Variants in IQSEC1 observed in about 807,000 individuals in gnomAD.
IQSEC1 encodes IQ motif and SEC7 domain-containing protein 1.
A neutral mutation model predicts 91.0 loss-of-function variants in IQSEC1; 31 were observed. That is an observed-to-expected ratio of 0.34 (90% CI 0.26 to 0.46). IQSEC1 has a LOEUF of 0.46. IQSEC1 is among the 20% of genes least tolerant of loss of function. The probability of loss-of-function intolerance (pLI) is 1.00; values close to 1 mark genes in which losing one functional copy is unlikely to be tolerated. For missense variants in IQSEC1, 1,388 were observed against 1,575.6 expected (o/e 0.88, Z 2.02); for synonymous variants, 699 against 662.6 (o/e 1.05, Z -0.84).
Position 13,050,538 on chromosome 3 carries a change from T to C in IQSEC1, c.23+22454A>G, listed in dbSNP as rs73016591. ...GAGATACATCATTATTATCATTACATAGACTAGTGTATGTTGAGACGTAAG... is the reference window on the plus strand; with the variant it reads ...GAGATACATCATTATTATCATTACACAGACTAGTGTATGTTGAGACGTAAG... On this transcript the variant is annotated intron_variant, in intron 1 of 13. Transcript: ENST00000613206. Among the ~76,000 whole-genome samples the C allele has an allele frequency of 1.0e-2, 1,522 of 152,346 alleles. 10 individuals are homozygous for C. The highest frequency in any genetic ancestry group is 0.016 in the Non-Finnish European group (1,108 of 68,036).
intron 1 of IQSEC1, among the ~76,000 whole-genome samples, chr3:13,167,808 T>G (rs773880072): frequency 5.3e-5 from 8 of 152,246 alleles, no homozygotes; most frequent in Non-Finnish European, 1.0e-4. Flanking sequence ...CCTCCTTCCA[T>G]GCTCACTGGA....
At chr3:13,182,679 T>A (rs1445852150) in intron 1 of IQSEC1, among the ~76,000 whole-genome samples, 1 of 152,156 alleles carries the variant, frequency 6.6e-6, no homozygotes, top group Non-Finnish European at 1.5e-5. Context: ...AGAAATTAGA[T>A]AATCACTTCT....
chr3:13,121,496 G>A (rs1271308663), intron 2 of IQSEC1, among the ~76,000 whole-genome samples: 1 of 152,176 alleles, frequency 6.6e-6, no homozygotes, highest in African/African-American at 2.4e-5. Flanking sequence ...ATGCCCCTGT[G>A]CTCGGCATGG....
rs936191712 is a variant in IQSEC1, at chr3:13,214,697, G to A, written c.273-50564C>T. On this transcript the variant is annotated intron_variant, in intron 1 of 15. Coordinates refer to the IQSEC1 transcript ENST00000648114. The surrounding 1 kb of genome is among the most constrained non-coding windows in gnomAD (Gnocchi z 4.5). ...CACTGTGGCACACGAGCTGGTGTCC[G>A]GTGGAGCACGGTCTCCAGGGAGCGG... Among the ~76,000 whole-genome samples the A allele has an allele frequency of 2.6e-5, 4 of 152,226 alleles. No individual in the cohort carries two copies. The highest frequency in any genetic ancestry group is 6.5e-5 in the Admixed American group (1 of 15,292).
At chr3:13,221,745 C>T (rs1201932024) in intron 1 of IQSEC1, among the ~76,000 whole-genome samples, 1 of 152,256 alleles carries the variant, frequency 6.6e-6, no homozygotes, top group Non-Finnish European at 1.5e-5. Context: ...CGGGCCTCCT[C>T]GGCAGGGAGC....
In IQSEC1 at chr3:12,913,359, CA is replaced by C. The variant is rs557681720; in HGVS notation, c.2316+68del. Reference sequence around the variant, plus strand: ...TGCATGCACATCTTCCCCACGCAGACAGCCAGACATGGACCCTGGGCTCAGG... The same window carrying C: ...TGCATGCACATCTTCCCCACGCAGACGCCAGACATGGACCCTGGGCTCAGG... On this transcript the variant is annotated intron_variant, in intron 9 of 13. Coordinates refer to ENST00000613206, the MANE Select transcript of IQSEC1 (RefSeq NM_001134382.3). 7.4e-3 allele frequency: 11,030 copies of C among 1,489,432 alleles called. 65 individuals carry two copies. The highest frequency in any genetic ancestry group is 9.2e-3 in the Non-Finnish European group (10,167 of 1,101,922). The allele number at this position is 1,489,432 out of a possible 1,614,324, so 92.3% of individuals were successfully genotyped here.
intron 1 of IQSEC1, among the ~76,000 whole-genome samples, chr3:13,250,354 G>A (rs913537060): frequency 5.3e-5 from 8 of 152,138 alleles, no homozygotes; most frequent in South Asian, 2.1e-4. Context: ...CAATAGCCGC[G>A]GGACCAGCAG....
chr3:12,915,847 A>C, intron 6 of IQSEC1, 114 bp from the exon 7 acceptor site: 2 of 1,218,236 alleles, frequency 1.6e-6, no homozygotes, highest in Non-Finnish European at 2.3e-6. Context: ...GAACCAAAGA[A>C]CTCCCAGGCA....
At chr3:13,012,150 C>T (rs1011780776) in intron 1 of IQSEC1, among the ~76,000 whole-genome samples, 9 of 152,194 alleles carry the variant, frequency 5.9e-5, no homozygotes, top group Non-Finnish European at 8.8e-5. Context: ...ACCTTTCACC[C>T]ACATGCAGGC....
rs1322671548 is a variant in IQSEC1 at position 13,207,370 on chromosome 3, C to T, written c.273-43237G>A. On this transcript the variant is annotated intron_variant, in intron 1 of 15. Coordinates refer to the IQSEC1 transcript ENST00000648114. The surrounding 1 kb of genome is among the most constrained non-coding windows in gnomAD (Gnocchi z 4.8). ...TCTGCCTACTTCTCCCCCTCCACGG[C>T]CACCTCCCTGACCCAAGCCCCGTCT... Among the ~76,000 whole-genome samples the T allele has an allele frequency of 6.6e-6, 1 of 152,152 alleles. No homozygotes were observed. Among genetic ancestry groups the T allele is most frequent in the African/African-American group, 2.4e-5 (1 of 41,418 alleles).
At position 13,153,042 on chromosome 3, in the gene IQSEC1, G is replaced by A. The variant is rs554805235; in HGVS notation, c.302+11062C>T. Among the ~76,000 whole-genome samples the A allele has an allele frequency of 5.0e-4, 40 of 80,040 alleles. No individual in the cohort carries two copies. The South Asian group carries it at 0.013, about 25-fold the overall frequency. The allele number at this position is 80,040 out of a possible 152,430, so 52.5% of individuals were successfully genotyped here. A position where few individuals can be genotyped will look rare whatever the true frequency, so the allele number is the denominator to read the frequency against. Reference sequence around the variant, plus strand: ...CCCATCCTCCCTCCCATGCCTCCCCGCCTTTTCTTTCCCCTCCCCTATCTA... The same window carrying A: ...CCCATCCTCCCTCCCATGCCTCCCCACCTTTTCTTTCCCCTCCCCTATCTA... On this transcript the variant is annotated intron_variant, in intron 2 of 15. Transcript: ENST00000648114.
chr3:13,135,815 G>A (rs1223922971), intron 2 of IQSEC1, among the ~76,000 whole-genome samples: 2 of 152,294 alleles, frequency 1.3e-5, no homozygotes, highest in Middle Eastern at 3.4e-3. Flanking sequence ...CACTGGAGGG[G>A]GATGGGAAGG....
intron 1 of IQSEC1, among the ~76,000 whole-genome samples, chr3:13,183,622 A>G (rs1020679036): frequency 6.6e-6 from 1 of 152,218 alleles, no homozygotes; most frequent in African/African-American, 2.4e-5. Flanking sequence ...GCTAAATTGG[A>G]AGAAGTCAGT....
chr3:12,941,633 T>C lies in IQSEC1; in HGVS notation c.256A>G (p.Ile86Val). ...TCGGAGAGTGAGCGTGAGCGCTTGA[T>C]GGCCTCCTCCTCAGCCTGCTTGCGC... ...ILRKQAEEEA[I>V]KRSRSLSESY... The change falls in exon 2 of 14, where the codon ATC becomes GTC. Residue 86 changes from isoleucine to valine, a missense_variant. Physicochemically the swap from Ile to Val is conservative, Grantham distance 29. This residue lies in a region of IQSEC1 where 1,059 missense variants were observed against 1,317.8 expected (regional missense o/e 0.80). Transcript: ENST00000613206. 1.2e-6 allele frequency: 2 copies of C among 1,611,878 alleles called. No individual in the cohort carries two copies. Among genetic ancestry groups the C allele is most frequent in the Non-Finnish European group, 1.7e-6 (2 of 1,179,214 alleles).
rs777497290 is a variant in IQSEC1 at position 12,924,010 on chromosome 3, G to A, written c.1730+571C>T. 2.0e-5 allele frequency among the ~76,000 whole-genome samples: 3 copies of A among 152,198 alleles called. No individual in the cohort carries two copies. Among genetic ancestry groups the A allele is most frequent in the Admixed American group, 6.5e-5 (1 of 15,284 alleles). On this transcript the variant is annotated intron_variant, in intron 4 of 13. Transcript: ENST00000613206. This position sits in a 1 kb window ranked among gnomAD's most constrained non-coding sequence, Gnocchi z 6.3. ...TGGAATCAGGAGGTGGGGGCAGGAC[G>A]CACAGCCCCAATATCCCAGCCGGGA...
At chr3:13,126,082 C>G (rs546640414) in intron 2 of IQSEC1, among the ~76,000 whole-genome samples, 1 of 152,308 alleles carries the variant, frequency 6.6e-6, no homozygotes, top group African/African-American at 2.4e-5. Context: ...GTAAAATTGA[C>G]ACACAATACT....
At chr3:13,145,867 T>G (rs1706886542) in intron 2 of IQSEC1, among the ~76,000 whole-genome samples, 1 of 136,256 alleles carries the variant, frequency 7.3e-6, no homozygotes, top group Non-Finnish European at 1.6e-5. Context: ...AGGACTGGGG[T>G]GACATTCTGT....
intron 1 of IQSEC1, among the ~76,000 whole-genome samples, chr3:13,172,589 C>T (rs920450479): frequency 5.3e-5 from 8 of 152,216 alleles, no homozygotes; most frequent in Admixed American, 4.6e-4. Flanking sequence ...ATGACCAACA[C>T]TTCCCGAGGG....
intron 1 of IQSEC1, among the ~76,000 whole-genome samples, chr3:12,944,803 GC>G (rs1225255854): frequency 6.6e-6 from 1 of 152,256 alleles, no homozygotes; most frequent in Non-Finnish European, 1.5e-5. Context: ...GAAGCAGGAA[GC>G]CCCTTGGTGG....
Sources: gnomAD v4.1 joint callset for allele counts (sites outside exome capture counted in the v4.1 genomes callset) on GRCh38, gnomAD v4.1.1 for gene constraint, gnomAD v4.1.1 regional missense constraint, Gnocchi (gnomAD v3.1) non-coding constraint, MANE v1.5 for transcripts, NCBI Gene and HGNC (gene_info 2026-07-23, HGNC 2026-07-21) for gene names.